USH2A: variants seen among roughly 807,000 people sequenced by gnomAD.
USH2A encodes usherin.
USH2A carries 443 observed loss-of-function variants against 538.9 expected under a neutral mutation model. That is an observed-to-expected ratio of 0.82 (90% CI 0.76 to 0.89). USH2A has a LOEUF of 0.89. Among genes scored for constraint, USH2A ranks in the 40% least tolerant of loss-of-function variants. The pLI is 0.00. For missense variants in USH2A, 6,633 were observed against 6,324.8 expected, an observed-to-expected ratio of 1.05 and a Z score of -1.65; for synonymous variants, 2,413 against 2,273.5, an observed-to-expected ratio of 1.06 and a Z score of -1.75.
chr1:215,869,714 T>A (rs1191934462), intron 43 of USH2A, among the ~76,000 whole-genome samples: 1 of 152,250 alleles, frequency 6.6e-6, no homozygotes, highest in Non-Finnish European at 1.5e-5. Context: ...TTCTTCCACA[T>A]GTCTATGCTA....
chr1:216,113,474 C>T (rs1278274744), intron 21 of USH2A, among the ~76,000 whole-genome samples: 7 of 152,146 alleles, frequency 4.6e-5, no homozygotes, highest in African/African-American at 1.7e-4. Flanking sequence ...CCTGGCATTT[C>T]TGAAAGACGC....
At chr1:215,781,969 A>G in intron 54 of USH2A, 73 bp downstream of exon 54, 1 of 1,598,102 alleles carries the variant, frequency 6.3e-7, no homozygotes, top group Admixed American at 1.7e-5. Flanking sequence ...TGAAAAAAGC[A>G]GTCACAACCT....
chr1:215,987,680 C>A (rs561688859), intron 35 of USH2A, among the ~76,000 whole-genome samples: 6 of 152,256 alleles, frequency 3.9e-5, no homozygotes, highest in South Asian at 4.1e-4. Flanking sequence ...TAGCAAGTAA[C>A]CTTGTTTGTA....
chr1:216,199,614 C>T lies in USH2A; in HGVS notation c.3811+13G>A. On this transcript the variant is annotated intron_variant, in intron 17 of 71. Transcript: ENST00000307340. ...CTTGACCAAAAAGGGGAATCTCAGC[C>T]TTGGATTCTTACCATTTAGTTCCGC... 6.2e-7 allele frequency: 1 copy of T among 1,613,786 alleles called. No homozygotes were observed. Among genetic ancestry groups the T allele is most frequent in the Admixed American group, 1.7e-5 (1 of 60,024 alleles).
chr1:215,977,278 A>G (rs896043750), intron 35 of USH2A, among the ~76,000 whole-genome samples: 1 of 152,228 alleles, frequency 6.6e-6, no homozygotes, highest in East Asian at 1.9e-4. Flanking sequence ...AGTTTGTTAA[A>G]CTGAGATCTT....
rs188368554 is a variant in USH2A, at chr1:216,293,171, C to T, written c.1645-801G>A. ...TCCCAAGTAGCTGAGACTACAGGCG[C>T]CCGCCACCACGCTTGGCTAATTTTT... is the stretch of plus-strand genomic sequence containing the variant. On this transcript the variant is annotated intron_variant, in intron 9 of 71. Transcript: ENST00000307340. Among the ~76,000 whole-genome samples, 751 of 152,112 alleles carry T rather than the reference C, an allele frequency of 4.9e-3. 7 individuals carry two copies. The highest frequency in any genetic ancestry group is 0.018 in the African/African-American group (732 of 41,516).
chr1:215,955,875 T>A (rs1311856188), intron 37 of USH2A, among the ~76,000 whole-genome samples: 3 of 152,132 alleles, frequency 2.0e-5, no homozygotes, highest in Non-Finnish European at 4.4e-5. Context: ...TGGTTTGTAA[T>A]CCTCATAACT....
Position 216,198,652 on chromosome 1 carries a change from G to C in USH2A, c.3812-68C>G, listed in dbSNP as rs532043991. ...AGGGGTTACTTTAGGGGTAGGGTAG[G>C]GACAGGTCAGTTAAAGAGTGCTGGA... On this transcript the variant is annotated intron_variant, in intron 17 of 71. Transcript: ENST00000307340. The C allele has an allele frequency of 1.3e-3, 1,936 of 1,450,512 alleles. 2 individuals are homozygous for C. The highest frequency in any genetic ancestry group is 1.7e-3 in the Non-Finnish European group (1,806 of 1,050,510). 89.9% of individuals were successfully genotyped at this position (1,450,512 alleles called of 1,614,324 possible).
At chr1:216,320,716 C>A (rs552046336) in intron 9 of USH2A, among the ~76,000 whole-genome samples, 1 of 152,080 alleles carries the variant, frequency 6.6e-6, no homozygotes, top group South Asian at 2.1e-4. Context: ...ATTAAAGTTA[C>A]AATTTGTTCA....
chr1:216,368,218 T>C (rs987744110), intron 3 of USH2A, among the ~76,000 whole-genome samples: 4 of 152,134 alleles, frequency 2.6e-5, no homozygotes, highest in Admixed American at 6.6e-5. Flanking sequence ...ATTTTTTTTT[T>C]TTTAAGTAGA....
intron 11 of USH2A, among the ~76,000 whole-genome samples, chr1:216,264,916 C>CA (rs1043640116): frequency 1.3e-5 from 2 of 152,004 alleles, no homozygotes; most frequent in African/African-American, 4.8e-5. Flanking sequence ...AAAATCCACT[C>CA]AAAATGGACT....
At chr1:216,005,467 A>G (rs1454639070) in intron 32 of USH2A, among the ~76,000 whole-genome samples, 3 of 152,190 alleles carry the variant, frequency 2.0e-5, no homozygotes, top group African/African-American at 4.8e-5. Context: ...GTTCAGCAGG[A>G]TATCTCCAGG....
Position 216,157,628 on chromosome 1 carries a change from C to A in USH2A, c.4627+17624G>T, listed in dbSNP as rs947701576. The stretch of plus-strand genomic sequence containing the variant: ...GGTACATATACACCATGGAATACTA[C>A]CCAATCACAAAAAAGAACAAAATCA... On this transcript the variant is annotated intron_variant, in intron 21 of 71. Transcript: ENST00000307340. Among the ~76,000 whole-genome samples, 3 of 152,082 alleles carry A rather than the reference C, an allele frequency of 2.0e-5. No individual in the cohort carries two copies. In the East Asian group the frequency reaches 5.8e-4, roughly 29 times the overall value.
chr1:215,630,519 T>TG lies in USH2A; in HGVS notation c.15298-1485_15298-1484insC, dbSNP rs1446466826. Among the ~76,000 whole-genome samples, 299 of 107,522 alleles carry TG rather than the reference T, an allele frequency of 2.8e-3. 4 individuals carry two copies. The highest frequency in any genetic ancestry group is 8.9e-3 in the African/African-American group (272 of 30,454). 70.5% of individuals were successfully genotyped at this position (107,522 alleles called of 152,430 possible). ...ATATATATATATATATATATATATA[T>TG]ATATATATGAGAGAGAGAAAGTTGG... On this transcript the variant is annotated intron_variant, in intron 70 of 71. Transcript: ENST00000307340.
intron 54 of USH2A, 136 bp downstream of exon 54, chr1:215,781,906 C>T: frequency 1.8e-6 from 2 of 1,128,600 alleles, no homozygotes; most frequent in South Asian, 1.3e-5. Flanking sequence ...GTTAACGTGA[C>T]ACATGAACAC....
chr1:215,702,774 G>A (rs1659071199), intron 61 of USH2A, among the ~76,000 whole-genome samples: 1 of 151,468 alleles, frequency 6.6e-6, no homozygotes, highest in Non-Finnish European at 1.5e-5. Flanking sequence ...CTTTTGCTCG[G>A]AGGAGTTTGT....
At chr1:215,678,508 A>G (rs1187548045) in intron 62 of USH2A, among the ~76,000 whole-genome samples, 1 of 152,242 alleles carries the variant, frequency 6.6e-6, no homozygotes, top group Non-Finnish European at 1.5e-5. Flanking sequence ...CTGTCTTGTC[A>G]TTCAGGACTC....
chr1:215,853,351 G>A (rs1347177524), intron 44 of USH2A, among the ~76,000 whole-genome samples: 1 of 152,112 alleles, frequency 6.6e-6, no homozygotes, highest in Non-Finnish European at 1.5e-5. Context: ...ACACAGCATG[G>A]GAACCCTGGG....
chr1:215,916,198 T>TA (rs776890631), intron 38 of USH2A, among the ~76,000 whole-genome samples: 19 of 151,008 alleles, frequency 1.3e-4, no homozygotes, highest in Non-Finnish European at 2.5e-4. Flanking sequence ...AATAATAAAA[T>TA]AAAAAAAAGA....
Sources: allele counts gnomAD v4.1 joint callset (sites outside exome capture counted in the v4.1 genomes callset), GRCh38; gene constraint gnomAD v4.1.1; transcripts MANE v1.5; gene names NCBI Gene and HGNC (gene_info 2026-07-23, HGNC 2026-07-21).